Variants in HYAL3 observed in about 807,000 individuals in gnomAD.
HYAL3 encodes hyaluronidase-3.
Under a neutral mutation model 29.6 loss-of-function variants are expected in HYAL3, and 25 were observed. The observed-to-expected ratio is 0.85, with a 90% confidence interval of 0.62 to 1.18. The LOEUF is 1.18. HYAL3 is among the 50% of genes most tolerant of loss of function. HYAL3 has a pLI of 0.00. For missense variants in HYAL3, 442 were observed against 548.4 expected (o/e 0.81, Z 1.94); for synonymous variants, 215 against 218.3 (o/e 0.99, Z 0.13).
At position 50,295,071 on chromosome 3, in the gene HYAL3, G is replaced by A. The variant is rs1158570850; in HGVS notation, c.532C>T (p.Arg178Cys). The stretch of plus-strand genomic sequence containing the variant: ...CGCAGCGTATCCTCCATCAGTGCAC[G>A]GGCCGCCTGCTCAAAGCCAGTATAG... ...KAYTGFEQAA[R>C]ALMEDTLRVA... Residue 178 changes from arginine to cysteine, a missense_variant, in exon 2 of 4, where the codon CGT becomes TGT. By Grantham distance (180) the Arg-to-Cys change is radical (BLOSUM62 -3). Coordinates refer to ENST00000336307, the MANE Select transcript of HYAL3 (RefSeq NM_003549.4). The A allele has an allele frequency of 4.7e-5, 76 of 1,613,140 alleles. No individual in the cohort carries two copies. The highest frequency in any genetic ancestry group is 6.7e-5 in the African/African-American group (5 of 74,920).
chr3:50,299,339 A>T lies in HYAL3; in HGVS notation c.-144T>A, dbSNP rs1194228753. 8 of 1,581,188 alleles carry T rather than the reference A, an allele frequency of 5.1e-6. No individual in the cohort carries two copies. Among genetic ancestry groups the T allele is most frequent in the Non-Finnish European group, 6.9e-6 (8 of 1,166,380 alleles). On this transcript the variant is annotated 5_prime_UTR_variant, in exon 1 of 4. Transcript: ENST00000336307. ...CCCAGCGGTGCGGCGGATGTTCTGCAGCCGTCGCGTCCTGCGGCACGCCAC... is the reference window on the plus strand; with the variant it reads ...CCCAGCGGTGCGGCGGATGTTCTGCTGCCGTCGCGTCCTGCGGCACGCCAC...
chr3:50,296,147 T>C (rs1341270025), intron 1 of HYAL3, among the ~76,000 whole-genome samples: 1 of 152,164 alleles, frequency 6.6e-6, no homozygotes, highest in Non-Finnish European at 1.5e-5. Flanking sequence ...TGCCTGTTTG[T>C]CTAGTTACCC....
In HYAL3 at chr3:50,297,017, G is replaced by T; in HGVS notation, c.-17-1398C>A. 6.5e-7 allele frequency: 1 copy of T among 1,544,880 alleles called. No homozygotes were observed. The highest frequency in any genetic ancestry group is 8.7e-7 in the Non-Finnish European group (1 of 1,149,846). ...CCATGAGGCGGCGGCCAAAGCCACG[G>T]CCCCTCAGGGCCCGGGCCACCACCA... On this transcript the variant is annotated intron_variant, in intron 1 of 3. Coordinates refer to ENST00000336307, the MANE Select transcript of HYAL3 (RefSeq NM_003549.4). This position sits in a 1 kb window ranked among gnomAD's most constrained non-coding sequence, Gnocchi z 4.3.
Position 50,293,682 on chromosome 3 carries a change from C to G in HYAL3, c.934G>C (p.Gly312Arg). The change falls in exon 3 of 4, where the codon GGG becomes CGG. Residue 312 changes from glycine to arginine, a missense_variant. Coordinates refer to ENST00000336307, the MANE Select transcript of HYAL3 (RefSeq NM_003549.4). The stretch of plus-strand genomic sequence containing the variant: ...CCCCAGAGCACCACGCCGGCTGCCC[C>G]TAGTGCTGCACTCACACCAATGGAC... ...VQSIGVSAAL[G>R]AAGVVLWGDL... 1 of 1,613,804 alleles carries G rather than the reference C, an allele frequency of 6.2e-7. No individual in the cohort carries two copies. The highest frequency in any genetic ancestry group is 8.5e-7 in the Non-Finnish European group (1 of 1,180,034).
At chr3:50,296,499 G>GC (rs1407686299) in intron 1 of HYAL3, 6 of 1,342,900 alleles carry the variant, frequency 4.5e-6, no homozygotes, top group African/African-American at 2.9e-5. Context: ...GGTTAAAGCT[G>GC]CCCCCCAGGG....
chr3:50,293,266 C>G lies in HYAL3; in HGVS notation c.1234G>C (p.Gly412Arg). 4 of 1,613,136 alleles carry G rather than the reference C, an allele frequency of 2.5e-6. No homozygotes were observed. Among genetic ancestry groups the G allele is most frequent in the Non-Finnish European group, 3.4e-6 (4 of 1,180,008 alleles). Residue 412 changes from glycine to arginine, a missense_variant, in exon 4 of 4, where the codon GGG (glycine) becomes CGG (arginine). Coordinates refer to ENST00000336307, the MANE Select transcript of HYAL3 (RefSeq NM_003549.4). ...TGGCTTTATACTGCTTCTTTAGGCC[C>G]AGGCCTGGGCTCCTGGCAGGTGGGG... ...AGPTCQEPRP[G>R]PKEAV
At position 50,297,573 on chromosome 3, in the gene HYAL3, G is replaced by T; in HGVS notation, c.-18+1640C>A. The T allele has an allele frequency of 6.7e-7, 1 of 1,494,136 alleles. No individual in the cohort carries two copies. The highest frequency in any genetic ancestry group is 8.9e-7 in the Non-Finnish European group (1 of 1,122,924). The allele number at this position is 1,494,136 out of a possible 1,614,324, so 92.6% of individuals were successfully genotyped here. Reference sequence around the variant, plus strand: ...CAGCTGAGTCAGGCTGGGAGCCAAGGTCACCTGCTGCTAGGTTGCAGGTGG... The same window carrying T: ...CAGCTGAGTCAGGCTGGGAGCCAAGTTCACCTGCTGCTAGGTTGCAGGTGG... On this transcript the variant is annotated intron_variant, in intron 1 of 3. Coordinates refer to ENST00000336307, the MANE Select transcript of HYAL3 (RefSeq NM_003549.4). The surrounding 1 kb of genome is among the most constrained non-coding windows in gnomAD (Gnocchi z 4.3).
Position 50,298,157 on chromosome 3 carries a change from G to A in HYAL3, c.-18+1056C>T, listed in dbSNP as rs932557260. The A allele has an allele frequency of 1.5e-5, 14 of 931,712 alleles. No individual in the cohort carries two copies. In the South Asian group the frequency reaches 2.0e-4, roughly 13 times the overall value. The allele number at this position is 931,712 out of a possible 1,614,324, so 57.7% of individuals were successfully genotyped here. On this transcript the variant is annotated intron_variant, in intron 1 of 3. Transcript: ENST00000336307. Reference sequence around the variant, plus strand: ...AAACCTACCCAAGGTTCCCTCCATAGGAAAAACTGCCCGGGAGTCTTCCTG... The same window carrying A: ...AAACCTACCCAAGGTTCCCTCCATAAGAAAAACTGCCCGGGAGTCTTCCTG...
In HYAL3 at chr3:50,297,747, AG is replaced by A; in HGVS notation, c.-18+1465del. The stretch of plus-strand genomic sequence containing the variant: ...GAGCAGGGAAGGGCTGACAGAGTGC[AG>A]GGGGGACCATGCATACTGGAACTGG... On this transcript the variant is annotated intron_variant, in intron 1 of 3. Coordinates refer to ENST00000336307, the MANE Select transcript of HYAL3 (RefSeq NM_003549.4). The surrounding 1 kb of genome is among the most constrained non-coding windows in gnomAD (Gnocchi z 4.3). 3.0e-6 allele frequency: 4 copies of A among 1,316,782 alleles called. No individual in the cohort carries two copies. The highest frequency in any genetic ancestry group is 2.9e-6 in the Non-Finnish European group (3 of 1,036,424). 81.6% of individuals were successfully genotyped at this position (1,316,782 alleles called of 1,614,324 possible). A position where few individuals can be genotyped will look rare whatever the true frequency, so the allele number is the denominator to read the frequency against.
chr3:50,294,687 C>T, intron 2 of HYAL3, 22 bp downstream of exon 2: 1 of 1,498,970 alleles, frequency 6.7e-7, no homozygotes, highest in Non-Finnish European at 8.9e-7. Context: ...ACTCAGACCC[C>T]TAGACCTCAG....
chr3:50,295,164 C>T lies in HYAL3; in HGVS notation c.439G>A (p.Ala147Thr). 6.2e-7 allele frequency: 1 copy of T among 1,613,538 alleles called. No homozygotes were observed. Among genetic ancestry groups the T allele is most frequent in the Non-Finnish European group, 8.5e-7 (1 of 1,180,032 alleles). ...TGCTGTGCCCAAGCCCAAGAGGCTGCCTGATAAGCTCGGCGGCGGCCCCAG... is the reference window on the plus strand; with the variant it reads ...TGCTGTGCCCAAGCCCAAGAGGCTGTCTGATAAGCTCGGCGGCGGCCCCAG... ...GNWGRRRAYQ[A>T]ASWAWAQQVF... The change falls in exon 2 of 4, where the codon GCA becomes ACA. Residue 147 changes from alanine to threonine, a missense_variant. Physicochemically the swap from Ala to Thr is moderately conservative, Grantham distance 58 (BLOSUM62 0). Transcript: ENST00000336307.
chr3:50,294,862 G>C lies in HYAL3; in HGVS notation c.741C>G (p.Leu247=). The part of the protein sequence containing the change: ...ASSALFPSIY[L]PPRLPPAHHQ... ...GGTGGGCAGGTGGCAGCCTGGGTGGGAGGTAGATGCTGGGGAAGAGGGCAC... is the reference window on the plus strand; with the variant it reads ...GGTGGGCAGGTGGCAGCCTGGGTGGCAGGTAGATGCTGGGGAAGAGGGCAC... Residue 247 remains leucine (L), a synonymous_variant, in exon 2 of 4, where the codon CTC becomes CTG. Transcript: ENST00000336307. 2 of 1,546,004 alleles carry C rather than the reference G, an allele frequency of 1.3e-6. No homozygotes were observed. Among genetic ancestry groups the C allele is most frequent in the Non-Finnish European group, 1.8e-6 (2 of 1,140,864 alleles).
chr3:50,294,835 G>A lies in HYAL3; in HGVS notation c.768C>T (p.His256=). Residue 256 remains histidine (H), a synonymous_variant, in exon 2 of 4, where the codon CAC becomes CAT. Coordinates refer to ENST00000336307, the MANE Select transcript of HYAL3 (RefSeq NM_003549.4). ...CCAGGCGATGTCGGACAAAGGCCTG[G>A]TGGTGGGCAGGTGGCAGCCTGGGTG... The part of the protein sequence containing the change: ...YLPPRLPPAH[H]QAFVRHRLEE... 6.5e-7 allele frequency: 1 copy of A among 1,536,508 alleles called. No individual in the cohort carries two copies.
In HYAL3 at chr3:50,299,365, G is replaced by A. The variant is rs912860910; in HGVS notation, c.-170C>T. 2.0e-6 allele frequency: 3 copies of A among 1,513,456 alleles called. No homozygotes were observed. The highest frequency in any genetic ancestry group is 3.9e-5 in the Admixed American group (2 of 51,120). 93.8% of individuals were successfully genotyped at this position (1,513,456 alleles called of 1,614,324 possible). On this transcript the variant is annotated 5_prime_UTR_variant, in exon 1 of 4. Transcript: ENST00000336307. ...GCCGTCGCGTCCTGCGGCACGCCACGGCGTTCTAAGGCCTCCCAGCACCCG... is the reference window on the plus strand; with the variant it reads ...GCCGTCGCGTCCTGCGGCACGCCACAGCGTTCTAAGGCCTCCCAGCACCCG...
At chr3:50,296,552 T>G in intron 1 of HYAL3, 2 of 1,579,160 alleles carry the variant, frequency 1.3e-6, no homozygotes, top group Admixed American at 3.5e-5. Flanking sequence ...GCTTGTAGAC[T>G]GTCGGGGCAG....
rs1341177697 is a variant in HYAL3, at chr3:50,297,058, G to A, written c.-17-1439C>T. 6.5e-7 allele frequency: 1 copy of A among 1,533,528 alleles called. No individual in the cohort carries two copies. Among genetic ancestry groups the A allele is most frequent in the Non-Finnish European group, 8.8e-7 (1 of 1,142,526 alleles). The allele number at this position is 1,533,528 out of a possible 1,614,324, so 95.0% of individuals were successfully genotyped here. ...GCCACCACCACTGTCTCCACTAAGA[G>A]GCTCTGGGGCTGGTTCAGCACCCGT... is the stretch of plus-strand genomic sequence containing the variant. On this transcript the variant is annotated intron_variant, in intron 1 of 3. Coordinates refer to ENST00000336307, the MANE Select transcript of HYAL3 (RefSeq NM_003549.4). The surrounding 1 kb of genome is among the most constrained non-coding windows in gnomAD (Gnocchi z 4.3).
chr3:50,295,164 C>G lies in HYAL3; in HGVS notation c.439G>C (p.Ala147Pro), dbSNP rs1553710837. The G allele has an allele frequency of 6.2e-6, 10 of 1,613,538 alleles. No homozygotes were observed. In the Admixed American group the frequency reaches 6.7e-5, roughly 11 times the overall value. ...TGCTGTGCCCAAGCCCAAGAGGCTG[C>G]CTGATAAGCTCGGCGGCGGCCCCAG... The part of the protein sequence containing the change: ...GNWGRRRAYQ[A>P]ASWAWAQQVF... The change falls in exon 2 of 4, where the codon GCA (alanine) becomes CCA (proline). Residue 147 changes from alanine to proline, a missense_variant. Physicochemically the swap from Ala to Pro is conservative, Grantham distance 27. Transcript: ENST00000336307.
rs1447625537 is a variant in HYAL3 at position 50,297,996 on chromosome 3, A to AG, written c.-18+1216dup. Reference sequence around the variant, plus strand: ...TGTCCTCCTCAGGACCTCCCCTCACAGGGGGTCTGTAACCACCAGGTCTAT... The same window carrying AG: ...TGTCCTCCTCAGGACCTCCCCTCACAGGGGGGTCTGTAACCACCAGGTCTAT... On this transcript the variant is annotated intron_variant, in intron 1 of 3. Transcript: ENST00000336307. The surrounding 1 kb of genome is among the most constrained non-coding windows in gnomAD (Gnocchi z 4.3). The AG allele has an allele frequency of 1.0e-6, 1 of 986,844 alleles. No homozygotes were observed. Among genetic ancestry groups the AG allele is most frequent in the Admixed American group, 6.1e-5 (1 of 16,294 alleles). 61.1% of individuals were successfully genotyped at this position (986,844 alleles called of 1,614,324 possible).
At chr3:50,299,167 G>C (rs374895252) in intron 1 of HYAL3, 46 bp downstream of exon 1, 3 of 1,614,002 alleles carry the variant, frequency 1.9e-6, no homozygotes, top group Non-Finnish European at 2.5e-6. Flanking sequence ...GACCGCACGC[G>C]CGGGGTGGAC....
Sources: gnomAD v4.1 joint callset for allele counts (sites outside exome capture counted in the v4.1 genomes callset) on GRCh38, gnomAD v4.1.1 for gene constraint, Gnocchi (gnomAD v3.1) non-coding constraint, MANE v1.5 for transcripts, NCBI Gene and HGNC (gene_info 2026-07-23, HGNC 2026-07-21) for gene names.